Variants in CYB561 observed in about 807,000 individuals in gnomAD.
The protein encoded by CYB561 is cytochrome b561, also known as transmembrane ascorbate-dependent reductase CYB561.
A neutral mutation model predicts 25.3 loss-of-function variants in CYB561; 11 were observed. The observed-to-expected ratio is 0.44, with a 90% CI of 0.27 to 0.72. The LOEUF is 0.72. Ranked by LOEUF, CYB561 falls within the 30% of genes least tolerant of loss-of-function variation. CYB561 has a pLI of 0.18. For missense variants in CYB561, 295 were observed against 334.9 expected, an observed-to-expected ratio of 0.88 and a Z score of 0.93; for synonymous variants, 165 against 158.8, an observed-to-expected ratio of 1.04 and a Z score of -0.29.
In CYB561 at chr17:63,436,563, C is replaced by T. The variant is rs1346287249; in HGVS notation, c.203-411G>A. 2.7e-5 allele frequency: 5 copies of T among 186,896 alleles called. No individual in the cohort carries two copies. The South Asian group carries it at 5.3e-4, about 20-fold the overall frequency. 11.6% of individuals were successfully genotyped at this position (186,896 alleles called of 1,614,324 possible). A position where few individuals can be genotyped will look rare whatever the true frequency, so the allele number is the denominator to read the frequency against. ...TGTCAGGTGTCCTGCAAATTCCAGG[C>T]TGTGTTTGAGGTCCACTGTTGGTCA... On this transcript the variant is annotated intron_variant, in intron 2 of 5. Coordinates refer to ENST00000360793, the MANE Select transcript of CYB561 (RefSeq NM_001915.4). This position sits in a 1 kb window ranked among gnomAD's most constrained non-coding sequence, Gnocchi z 4.8.
intron 3 of CYB561, 123 bp from the exon 4 acceptor site, chr17:63,435,914 C>A (rs2049293562): frequency 6.3e-7 from 1 of 1,585,590 alleles, no homozygotes; most frequent in African/African-American, 1.3e-5. Context: ...GCTGCCAGCA[C>A]CTAGTGGCCC....
chr17:63,438,058 A>T (rs1443122012), intron 1 of CYB561: 1 of 1,449,610 alleles, frequency 6.9e-7, no homozygotes. Flanking sequence ...CCTGAGGCAG[A>T]GGTCTCAAGT....
Position 63,436,509 on chromosome 17 carries a change from C to A in CYB561, c.203-357G>T, listed in dbSNP as rs190169556. The A allele has an allele frequency of 1.0e-5, 2 of 196,526 alleles. No individual in the cohort carries two copies. Among genetic ancestry groups the A allele is most frequent in the East Asian group, 2.5e-4 (2 of 8,092 alleles). The allele number at this position is 196,526 out of a possible 1,614,324, so 12.2% of individuals were successfully genotyped here. On this transcript the variant is annotated intron_variant, in intron 2 of 5. Transcript: ENST00000360793. The surrounding 1 kb of genome is among the most constrained non-coding windows in gnomAD (Gnocchi z 4.8). ...CCCCACCTAAAGGAGCTGCCCGGCC[C>A]AGCAGACGCCCCCCTCCACCCACCT...
At chr17:63,437,100 G>A (rs1368202893) in intron 2 of CYB561, 2 of 544,290 alleles carry the variant, frequency 3.7e-6, no homozygotes, top group Non-Finnish European at 6.5e-6. Context: ...TGCCCGCCTT[G>A]GATGCTGTGT....
At chr17:63,438,895 G>T (rs1656501256) in intron 1 of CYB561, among the ~76,000 whole-genome samples, 2 of 152,242 alleles carry the variant, frequency 1.3e-5, no homozygotes, top group African/African-American at 4.8e-5. Context: ...CCCGGCAGCG[G>T]CCTGTGCGCC....
intron 1 of CYB561, among the ~76,000 whole-genome samples, chr17:63,438,671 G>GCT (rs926272783): frequency 1.2e-4 from 19 of 152,170 alleles, no homozygotes; most frequent in Non-Finnish European, 2.4e-4. Flanking sequence ...GCCGGGTAGA[G>GCT]CTCAGCACGG....
chr17:63,435,274 A>G, intron 4 of CYB561, 31 bp from the exon 5 acceptor site: 3 of 1,605,228 alleles, frequency 1.9e-6, no homozygotes, highest in Non-Finnish European at 2.6e-6. Context: ...GTTCCGGGAC[A>G]GGGCGGCCGG....
rs2049306688 is a variant in CYB561 at position 63,436,852 on chromosome 17, C to T, written c.202+494G>A. 2 of 171,866 alleles carry T rather than the reference C, an allele frequency of 1.2e-5. No individual in the cohort carries two copies. The highest frequency in any genetic ancestry group is 2.5e-5 in the Non-Finnish European group (2 of 78,904). The allele number at this position is 171,866 out of a possible 1,614,324, so 10.6% of individuals were successfully genotyped here. A position where few individuals can be genotyped will look rare whatever the true frequency, so the allele number is the denominator to read the frequency against. ...CTAGGAAGAGCGGGTCAACCGGATG[C>T]AGATCCCGCTTCCTGGATCCCTGGC... On this transcript the variant is annotated intron_variant, in intron 2 of 5. Transcript: ENST00000360793. This position sits in a 1 kb window ranked among gnomAD's most constrained non-coding sequence, Gnocchi z 4.8.
chr17:63,444,284 G>T (rs1018184425), intron 1 of CYB561, among the ~76,000 whole-genome samples: 4 of 152,254 alleles, frequency 2.6e-5, no homozygotes, highest in African/African-American at 9.6e-5. Context: ...GCCCAGGTTA[G>T]AGAGATGTGA....
rs151218891 is a variant in CYB561 at position 63,437,499 on chromosome 17, C to T, written c.49G>A (p.Val17Met). 2 of 1,613,420 alleles carry T rather than the reference C, an allele frequency of 1.2e-6. No homozygotes were observed. Among genetic ancestry groups the T allele is most frequent in the African/African-American group, 2.7e-5 (2 of 74,940 alleles). ...AGGCCCAGCAGCTGGGAGAAGGCCA[C>T]GTAGTAAGGCAGTGCTGTGGGGGTG... is the stretch of plus-strand genomic sequence containing the variant. ...AATPTALPYY[V>M]AFSQLLGLTL... Residue 17 changes from valine to methionine, a missense_variant, in exon 2 of 6, where the codon GTG (valine) becomes ATG (methionine). Transcript: ENST00000360793.
intron 1 of CYB561, 188 bp from the exon 2 acceptor site, chr17:63,437,748 G>A (rs892165588): frequency 8.3e-5 from 36 of 433,340 alleles, no homozygotes; most frequent in Non-Finnish European, 1.1e-4. Context: ...CCCCCGAAAT[G>A]CGCACAGCCG....
intron 1 of CYB561, among the ~76,000 whole-genome samples, chr17:63,441,181 C>T (rs1479518015): frequency 2.6e-5 from 4 of 152,224 alleles, no homozygotes; most frequent in African/African-American, 9.6e-5. Context: ...GCCTGGCCTC[C>T]CGGGGAGTCG....
At chr17:63,435,384 T>C in intron 4 of CYB561, 141 bp from the exon 5 acceptor site, 1 of 889,456 alleles carries the variant, frequency 1.1e-6, no homozygotes, top group Middle Eastern at 3.5e-4. Flanking sequence ...CTCAGCACAG[T>C]GGTGGGAGGA....
chr17:63,437,249 C>T (rs1008470269), intron 2 of CYB561, 97 bp downstream of exon 2: 44 of 933,478 alleles, frequency 4.7e-5, no homozygotes, highest in Non-Finnish European at 7.0e-5. Context: ...TAGATTTGTC[C>T]AACCAGAAGA....
Position 63,435,068 on chromosome 17 carries a change from C to A in CYB561, c.563+18G>T. 1 of 1,608,860 alleles carries A rather than the reference C, an allele frequency of 6.2e-7. No individual in the cohort carries two copies. The highest frequency in any genetic ancestry group is 1.1e-5 in the South Asian group (1 of 90,284). ...AAGGGTGGCCCAGGCCCTGCCCTCT[C>A]CCACCCAGGACACTCACCCGAGGTT... On this transcript the variant is annotated intron_variant, in intron 5 of 5. Transcript: ENST00000360793.
chr17:63,445,421 C>T (rs2049413975), intron 1 of CYB561, among the ~76,000 whole-genome samples: 1 of 138,278 alleles, frequency 7.2e-6, no homozygotes, highest in Admixed American at 7.4e-5. Flanking sequence ...ACCAAAGGGG[C>T]AGAATCTAGG....
rs567811813 is a variant in CYB561 at position 63,441,018 on chromosome 17, G to A, written c.-13-3458C>T. Among the ~76,000 whole-genome samples the A allele has an allele frequency of 1.9e-3, 290 of 152,294 alleles. 1 individual carries two copies. Among genetic ancestry groups the A allele is most frequent in the African/African-American group, 6.7e-3 (279 of 41,570 alleles). On this transcript the variant is annotated intron_variant, in intron 1 of 5. Coordinates refer to ENST00000360793, the MANE Select transcript of CYB561 (RefSeq NM_001915.4). Reference sequence around the variant, plus strand: ...CGGCAACTTCCTCACACCTCGTGGAGTACAAAGGGCAGGAGAGGCCCGCAG... The same window carrying A: ...CGGCAACTTCCTCACACCTCGTGGAATACAAAGGGCAGGAGAGGCCCGCAG...
Position 63,432,889 on chromosome 17 carries a change from C to T in CYB561, c.*1513G>A, listed in dbSNP as rs930191469. 2.6e-5 allele frequency: 4 copies of T among 152,314 alleles called. No individual in the cohort carries two copies. The highest frequency in any genetic ancestry group is 9.6e-5 in the African/African-American group (4 of 41,458). 9.4% of individuals were successfully genotyped at this position (152,314 alleles called of 1,614,324 possible). A position where few individuals can be genotyped will look rare whatever the true frequency, so the allele number is the denominator to read the frequency against. ...TCAGGTAGGAAAAGGGCAGCCATTA[C>T]AAGAAGAAGAGTCGTCAGGTTTGGA... On this transcript the variant is annotated 3_prime_UTR_variant, in exon 6 of 6. Coordinates refer to ENST00000360793, the MANE Select transcript of CYB561 (RefSeq NM_001915.4).
chr17:63,438,816 G>A (rs989375345), intron 1 of CYB561, among the ~76,000 whole-genome samples: 4 of 152,222 alleles, frequency 2.6e-5, no homozygotes, highest in African/African-American at 9.6e-5. Context: ...CATGCCGGCC[G>A]GAGAGCACCC....
Sources: gnomAD v4.1 joint callset for allele counts (sites outside exome capture counted in the v4.1 genomes callset) on GRCh38, gnomAD v4.1.1 for gene constraint, Gnocchi (gnomAD v3.1) non-coding constraint, MANE v1.5 for transcripts, NCBI Gene and HGNC (gene_info 2026-07-23, HGNC 2026-07-21) for gene names.